Variants in NUP210 observed in about 807,000 individuals in gnomAD.
The protein encoded by NUP210 is nuclear pore membrane glycoprotein 210.
A neutral mutation model predicts 196.0 loss-of-function variants in NUP210; 151 were observed. That is an observed-to-expected ratio of 0.77 (90% CI 0.67 to 0.88). The LOEUF is 0.88. NUP210 is among the 40% of genes least tolerant of loss of function. The pLI, the probability that NUP210 is intolerant of heterozygous loss-of-function variation, is 0.00. For missense variants in NUP210, 2,314 were observed against 2,493.7 expected (o/e 0.93, Z 1.53); for synonymous variants, 1,070 against 1,052.7 (o/e 1.02, Z -0.32).
chr3:13,346,928 C>G (rs1039576989), intron 20 of NUP210, among the ~76,000 whole-genome samples: 1 of 152,224 alleles, frequency 6.6e-6, no homozygotes, highest in African/African-American at 2.4e-5. Flanking sequence ...CTGGATGAAA[C>G]TTCACACAGG....
rs772696918 is a variant in NUP210 at position 13,340,188 on chromosome 3, G to A, written c.3291+48C>T. 1 of 1,610,374 alleles carries A rather than the reference G, an allele frequency of 6.2e-7. No individual in the cohort carries two copies. The highest frequency in any genetic ancestry group is 1.7e-5 in the Admixed American group (1 of 60,012). On this transcript the variant is annotated intron_variant, in intron 24 of 39. Coordinates refer to ENST00000254508, the MANE Select transcript of NUP210 (RefSeq NM_024923.4). The surrounding 1 kb of genome is among the most constrained non-coding windows in gnomAD (Gnocchi z 4.0). Reference sequence around the variant, plus strand: ...AGAGGCGGCGTGCCTGGAACCAGGTGGTGGCCTGCACTGGGGCTGGAGCAG... The same window carrying A: ...AGAGGCGGCGTGCCTGGAACCAGGTAGTGGCCTGCACTGGGGCTGGAGCAG...
intron 13 of NUP210, 76 bp downstream of exon 13, chr3:13,371,757 TG>T: frequency 7.4e-7 from 1 of 1,348,860 alleles, no homozygotes; most frequent in Non-Finnish European, 1.0e-6. Flanking sequence ...TTTGGGAATC[TG>T]GCGGTCCATG....
At position 13,348,841 on chromosome 3, in the gene NUP210, T is replaced by C; in HGVS notation, c.2835+3038A>G. On this transcript the variant is annotated intron_variant, in intron 20 of 39. Coordinates refer to ENST00000254508, the MANE Select transcript of NUP210 (RefSeq NM_024923.4). This position sits in a 1 kb window ranked among gnomAD's most constrained non-coding sequence, Gnocchi z 4.0. The stretch of plus-strand genomic sequence containing the variant: ...TTTGCAAGACAGCTGGAGACCAACA[T>C]CAAACGCTGAAGGAAGGTTTTCGAA... 2.0e-6 allele frequency: 2 copies of C among 985,280 alleles called. No homozygotes were observed. Among genetic ancestry groups the C allele is most frequent in the African/African-American group, 3.5e-5 (2 of 57,294 alleles). The allele number at this position is 985,280 out of a possible 1,614,324, so 61.0% of individuals were successfully genotyped here. A position where few individuals can be genotyped will look rare whatever the true frequency, so the allele number is the denominator to read the frequency against.
At chr3:13,317,829 G>C in intron 39 of NUP210, 48 bp from the exon 40 acceptor site, 1 of 1,344,782 alleles carries the variant, frequency 7.4e-7, no homozygotes, top group Non-Finnish European at 1.0e-6. Context: ...AGGGAAAGCG[G>C]CGCACTCTTC....
chr3:13,392,023 C>T (rs949706334), intron 3 of NUP210, among the ~76,000 whole-genome samples: 3 of 152,136 alleles, frequency 2.0e-5, no homozygotes, highest in East Asian at 1.9e-4. Flanking sequence ...AGAAGCTGCT[C>T]GCCCTCTCTA....
chr3:13,398,677 T>TG (rs1332040729), intron 2 of NUP210, among the ~76,000 whole-genome samples: 2 of 152,124 alleles, frequency 1.3e-5, no homozygotes, highest in African/African-American at 4.8e-5. Context: ...TCCGCCACTG[T>TG]GGGAGGCCAA....
chr3:13,379,045 G>T lies in NUP210; in HGVS notation c.977-65C>A. 1 of 1,349,838 alleles carries T rather than the reference G, an allele frequency of 7.4e-7. No individual in the cohort carries two copies. The highest frequency in any genetic ancestry group is 1.1e-6 in the Non-Finnish European group (1 of 939,924). The allele number at this position is 1,349,838 out of a possible 1,614,324, so 83.6% of individuals were successfully genotyped here. On this transcript the variant is annotated intron_variant, in intron 7 of 39. Coordinates refer to ENST00000254508, the MANE Select transcript of NUP210 (RefSeq NM_024923.4). This position sits in a 1 kb window ranked among gnomAD's most constrained non-coding sequence, Gnocchi z 4.2. The stretch of plus-strand genomic sequence containing the variant: ...TAAACCAGCTGGCTGGCCAGTTTCA[G>T]CTTGGCTCAGAATCCTGATCATCAA...
rs370415741 is a variant in NUP210, at chr3:13,413,951, G to C, written c.167+6109C>G. 1.2e-4 allele frequency among the ~76,000 whole-genome samples: 19 copies of C among 152,374 alleles called. 1 individual carries two copies. In the South Asian group the frequency reaches 2.5e-3, roughly 20 times the overall value. On this transcript the variant is annotated intron_variant, in intron 1 of 39. Transcript: ENST00000254508. ...TGAGGAAAATTAAAGGACTGACAGT[G>C]AGTTTTGAAAGAGTGAATTTTTCTC...
Position 13,373,778 on chromosome 3 carries a change from G to T in NUP210, c.1527C>A (p.Ile509=). The part of the protein sequence containing the change: ...VKGVMTTGSD[I]GFSVIQAHDV... Reference sequence around the variant, plus strand: ...CATGTGCCTGGATCACACTGAACCCGATGTCACTGCCTGTGGTCATCACGC... The same window carrying T: ...CATGTGCCTGGATCACACTGAACCCTATGTCACTGCCTGTGGTCATCACGC... The change falls in exon 12 of 40, where the codon ATC becomes ATA. Residue 509 remains isoleucine (I), a synonymous_variant. Coordinates refer to ENST00000254508, the MANE Select transcript of NUP210 (RefSeq NM_024923.4). The T allele has an allele frequency of 6.2e-7, 1 of 1,614,172 alleles. No homozygotes were observed. The highest frequency in any genetic ancestry group is 8.5e-7 in the Non-Finnish European group (1 of 1,180,014).
intron 31 of NUP210, 90 bp downstream of exon 31, chr3:13,328,681 C>A: frequency 7.9e-7 from 1 of 1,259,028 alleles, no homozygotes. Flanking sequence ...CTTCCTTCAA[C>A]AGCAGCAGAC....
intron 13 of NUP210, among the ~76,000 whole-genome samples, chr3:13,371,181 G>C (rs952873614): frequency 1.3e-5 from 2 of 152,160 alleles, no homozygotes; most frequent in Non-Finnish European, 1.5e-5. Context: ...GGTGAGTAAA[G>C]CCACAGGGTC....
chr3:13,319,314 G>T lies in NUP210; in HGVS notation c.5395C>A (p.Leu1799Ile), dbSNP rs1696408816. ...TAGGAATCCAGGAAGTGCTGGAAGA[G>T]GCTGGCTCCATCTGCCATCAATGGG... ...RRGPGPYGAS[L>I]FQHFLDSYQV... Residue 1799 changes from leucine to isoleucine, a missense_variant, in exon 38 of 40, where the codon CTC (leucine) becomes ATC (isoleucine). Leu to Ile is a conservative substitution (Grantham distance 5, BLOSUM62 2). Coordinates refer to ENST00000254508, the MANE Select transcript of NUP210 (RefSeq NM_024923.4). The T allele has an allele frequency of 3.1e-6, 5 of 1,610,152 alleles. No individual in the cohort carries two copies. The highest frequency in any genetic ancestry group is 4.2e-6 in the Non-Finnish European group (5 of 1,178,136).
chr3:13,410,409 C>T (rs926363526), intron 1 of NUP210, among the ~76,000 whole-genome samples: 2 of 151,150 alleles, frequency 1.3e-5, no homozygotes, highest in Non-Finnish European at 3.0e-5. Context: ...AACTCCTGAC[C>T]TCAGGTGATC....
Position 13,347,662 on chromosome 3 carries a change from G to T in NUP210, c.2835+4217C>A, listed in dbSNP as rs1354733850. 1.3e-5 allele frequency among the ~76,000 whole-genome samples: 2 copies of T among 152,194 alleles called. No individual in the cohort carries two copies. The highest frequency in any genetic ancestry group is 2.9e-5 in the Non-Finnish European group (2 of 68,038). ...TGAATATGTATCAACAGGAAGGAAA[G>T]AAACCCTTTCTCTGAGCTAACTGGG... On this transcript the variant is annotated intron_variant, in intron 20 of 39. Transcript: ENST00000254508. This position sits in a 1 kb window ranked among gnomAD's most constrained non-coding sequence, Gnocchi z 4.7.
intron 23 of NUP210, 126 bp downstream of exon 23, chr3:13,341,622 A>G: frequency 9.0e-7 from 1 of 1,114,724 alleles, no homozygotes; most frequent in Non-Finnish European, 1.3e-6. Flanking sequence ...TTTTGATGAG[A>G]GGACATTGTG....
At chr3:13,385,640 C>T (rs1699246716) in intron 6 of NUP210, among the ~76,000 whole-genome samples, 1 of 152,242 alleles carries the variant, frequency 6.6e-6, no homozygotes, top group Non-Finnish European at 1.5e-5. Context: ...CAGCTAAACA[C>T]AAAGCCCACA....
intron 34 of NUP210, 79 bp from the exon 35 acceptor site, chr3:13,322,418 G>A: frequency 6.5e-7 from 1 of 1,526,750 alleles, no homozygotes; most frequent in Non-Finnish European, 8.9e-7. Context: ...TGCACAGGCT[G>A]GCTGGGCTGC....
chr3:13,356,983 A>C (rs1452412684), intron 16 of NUP210, among the ~76,000 whole-genome samples: 3 of 152,218 alleles, frequency 2.0e-5, no homozygotes, highest in Non-Finnish European at 4.4e-5. Context: ...TTTTTCTTTG[A>C]AAATGAGAAA....
At chr3:13,366,220 C>T (rs1018895793) in intron 13 of NUP210, 129 bp from the exon 14 acceptor site, 54 of 864,252 alleles carry the variant, frequency 6.2e-5, no homozygotes, top group Non-Finnish European at 8.3e-5. Flanking sequence ...CCTCCGCCTC[C>T]GGGGTTCAAG....
Sources: allele counts gnomAD v4.1 joint callset (sites outside exome capture counted in the v4.1 genomes callset), GRCh38; gene constraint gnomAD v4.1.1; non-coding constraint Gnocchi (gnomAD v3.1); transcripts MANE v1.5; gene names NCBI Gene and HGNC (gene_info 2026-07-23, HGNC 2026-07-21).